SERPINB11: variants seen among roughly 807,000 people sequenced by gnomAD.
The protein encoded by SERPINB11 is serpin B11.
SERPINB11 carries 32 observed loss-of-function variants against 36.7 expected under a neutral mutation model. That is an observed-to-expected ratio of 0.87 (90% confidence interval 0.66 to 1.17). SERPINB11 has a LOEUF of 1.17. SERPINB11 is among the 50% of genes most tolerant of loss of function. SERPINB11 has a pLI of 0.00. For synonymous variants in SERPINB11, 174 were observed against 168.1 expected, an observed-to-expected ratio of 1.04 and a Z score of -0.27; for missense variants, 528 against 458.4, an observed-to-expected ratio of 1.15 and a Z score of -1.39.
chr18:63,719,887 T>G, intron 5 of SERPINB11, 126 bp from the exon 6 acceptor site: 1 of 672,158 alleles, frequency 1.5e-6, no homozygotes, highest in Non-Finnish European at 2.4e-6. Flanking sequence ...ATGAAAGGAG[T>G]TCTTCTGGTA....
At chr18:63,722,848 T>C in intron 7 of SERPINB11, 147 bp from the exon 8 acceptor site, 1 of 742,572 alleles carries the variant, frequency 1.3e-6, no homozygotes, top group East Asian at 2.9e-5. Flanking sequence ...AATGGTATGA[T>C]TTTGTTCCCA....
intron 1 of SERPINB11, among the ~76,000 whole-genome samples, chr18:63,709,501 C>G (rs1914459172): frequency 1.3e-5 from 2 of 152,038 alleles, no homozygotes; most frequent in African/African-American, 4.8e-5. Context: ...GTCCCAGCTA[C>G]TCGGGAGGCT....
At chr18:63,704,206 C>T (rs1464556) in intron 1 of SERPINB11, among the ~76,000 whole-genome samples, 56,491 of 152,026 alleles carry the variant, frequency 0.37, 11,348 homozygotes, top group East Asian at 0.61. Flanking sequence ...CTGACAATTT[C>T]ACAGAAGAAT....
intron 1 of SERPINB11, chr18:63,705,340 G>A (rs1446075007): frequency 1.3e-5 from 2 of 152,202 alleles, no homozygotes; most frequent in Non-Finnish European, 2.9e-5. Flanking sequence ...GCCTCCCAAA[G>A]CTGATGTTAA....
chr18:63,708,921 C>T (rs376402667), intron 1 of SERPINB11, among the ~76,000 whole-genome samples: 44 of 152,050 alleles, frequency 2.9e-4, no homozygotes, highest in South Asian at 6.2e-4. Context: ...GGAGGCAGGC[C>T]GTGAACTGAG....
chr18:63,718,459 T>C (rs1234808089), intron 5 of SERPINB11, among the ~76,000 whole-genome samples: 3 of 152,060 alleles, frequency 2.0e-5, no homozygotes, highest in African/African-American at 4.8e-5. Flanking sequence ...TTTCTTTTGA[T>C]AACATTTTGT....
At chr18:63,704,009 A>T (rs894188083) in intron 1 of SERPINB11, among the ~76,000 whole-genome samples, 1 of 152,112 alleles carries the variant, frequency 6.6e-6, no homozygotes, top group African/African-American at 2.4e-5. Flanking sequence ...TTCCCTTACC[A>T]CGTGAGTGGG....
At chr18:63,705,508 AG>A (rs1476693957) in intron 1 of SERPINB11, 1 of 152,268 alleles carries the variant, frequency 6.6e-6, no homozygotes, top group Non-Finnish European at 1.5e-5. Flanking sequence ...ACTGGGTCAA[AG>A]GCCATAAGTA....
At chr18:63,716,936 C>T (rs1473229434) in intron 5 of SERPINB11, among the ~76,000 whole-genome samples, 2 of 151,928 alleles carry the variant, frequency 1.3e-5, no homozygotes, top group African/African-American at 4.8e-5. Flanking sequence ...TGTATGTGTG[C>T]TATTTGATAA....
At chr18:63,718,809 A>T (rs1914731921) in intron 5 of SERPINB11, among the ~76,000 whole-genome samples, 1 of 152,030 alleles carries the variant, frequency 6.6e-6, no homozygotes, top group Non-Finnish European at 1.5e-5. Flanking sequence ...TAAAATATAT[A>T]TCCATTATAT....
intron 3 of SERPINB11, 72 bp downstream of exon 3, chr18:63,711,466 G>A (rs1260077916): frequency 3.4e-6 from 4 of 1,188,242 alleles, no homozygotes; most frequent in Non-Finnish European, 4.9e-6. Context: ...TCTGGGTGTT[G>A]AGTAGAAAAG....
intron 7 of SERPINB11, 29 bp downstream of exon 7, chr18:63,721,015 T>G (rs1914800138): frequency 1.3e-6 from 2 of 1,576,586 alleles, no homozygotes; most frequent in Non-Finnish European, 1.7e-6. Flanking sequence ...TATAATGCAG[T>G]TAAAGCATGT....
intron 1 of SERPINB11, among the ~76,000 whole-genome samples, chr18:63,704,208 C>G (rs1427246731): frequency 6.6e-6 from 1 of 152,156 alleles, no homozygotes; most frequent in East Asian, 1.9e-4. Context: ...GACAATTTCA[C>G]AGAAGAATTT....
chr18:63,707,730 T>C (rs1448946204), intron 1 of SERPINB11, among the ~76,000 whole-genome samples: 1 of 152,238 alleles, frequency 6.6e-6, no homozygotes, highest in East Asian at 1.9e-4. Context: ...TGAAATTCTC[T>C]TCTTCATTTC....
rs1270026975 is a variant in SERPINB11, at chr18:63,722,599, C to A, written c.775-396C>A. ...GGATCCTGGCATCAGGGATGCCAAA[C>A]AAGAATCACGCTCATAAAGGAGGGT... On this transcript the variant is annotated intron_variant, in intron 7 of 7. Transcript: ENST00000544088. Among the ~76,000 whole-genome samples, 3 of 152,254 alleles carry A rather than the reference C, an allele frequency of 2.0e-5. No individual in the cohort carries two copies. In the East Asian group the frequency reaches 5.8e-4, roughly 29 times the overall value.
chr18:63,722,839 A>C (rs1315201084), intron 7 of SERPINB11, among the ~76,000 whole-genome samples, 156 bp from the exon 8 acceptor site: 3 of 152,208 alleles, frequency 2.0e-5, no homozygotes. Flanking sequence ...AATGTGGCTA[A>C]TGGTATGATT....
intron 3 of SERPINB11, 144 bp from the exon 4 acceptor site, chr18:63,712,421 G>C: frequency 2.6e-6 from 2 of 775,364 alleles, no homozygotes; most frequent in Non-Finnish European, 4.0e-6. Context: ...AAAAATCCAA[G>C]GAAGAAAATG....
chr18:63,715,952 A>G, intron 4 of SERPINB11, 83 bp from the exon 5 acceptor site: 1 of 778,800 alleles, frequency 1.3e-6, no homozygotes, highest in Non-Finnish European at 2.0e-6. Flanking sequence ...TCTGCATTAG[A>G]ATTTTAGAAT....
intron 1 of SERPINB11, among the ~76,000 whole-genome samples, chr18:63,703,638 T>C (rs1914295345): frequency 6.6e-6 from 1 of 152,142 alleles, no homozygotes; most frequent in South Asian, 2.1e-4. Flanking sequence ...GAGAGGTAGG[T>C]GCTAGATAAG....
Sources: gnomAD v4.1 joint callset for allele counts (sites outside exome capture counted in the v4.1 genomes callset) on GRCh38, gnomAD v4.1.1 for gene constraint, MANE v1.5 for transcripts, NCBI Gene and HGNC (gene_info 2026-07-23, HGNC 2026-07-21) for gene names.